Variants in MAL2 observed in about 807,000 individuals in gnomAD.
MAL2 encodes the protein mal, T cell differentiation protein 2.
In MAL2, 17 loss-of-function variants were observed where a neutral mutation model predicts 18.1. The ratio of observed to expected loss-of-function variants is 0.94; its 90% CI spans 0.64 to 1.41. The LOEUF (loss-of-function observed/expected upper bound fraction) is 1.41, where lower values mean the gene tolerates loss of function less well. MAL2 is among the 40% of genes most tolerant of loss of function. The pLI, the probability that MAL2 is intolerant of heterozygous loss-of-function variation, is 0.00. For missense variants in MAL2, 222 were observed against 231.9 expected (o/e 0.96, Z 0.28); for synonymous variants, 102 against 102.3 (o/e 1.00, Z 0.02).
chr8:119,221,119 A>C (rs1280675895), intron 1 of MAL2: 2 of 156,932 alleles, frequency 1.3e-5, no homozygotes, highest in East Asian at 3.7e-4. Flanking sequence ...CATTTTTTTT[A>C]CTAACTCTCT....
intron 2 of MAL2, among the ~76,000 whole-genome samples, chr8:119,226,510 TG>T (rs906629189): frequency 1.8e-5 from 1 of 55,778 alleles, no homozygotes; most frequent in African/African-American, 7.3e-5. Flanking sequence ...GGGCGGGGGG[TG>T]GGGTGGAAGC....
chr8:119,231,132 C>A (rs1726300815), intron 2 of MAL2, among the ~76,000 whole-genome samples: 1 of 152,026 alleles, frequency 6.6e-6, no homozygotes, highest in African/African-American at 2.4e-5. Flanking sequence ...CCCAGGTTCA[C>A]ACCATTCTCC....
At chr8:119,241,055 T>C (rs2129924574) in intron 3 of MAL2, among the ~76,000 whole-genome samples, 1 of 152,330 alleles carries the variant, frequency 6.6e-6, no homozygotes, top group East Asian at 1.9e-4. Flanking sequence ...GGCAAGTTAG[T>C]GACCCTAATG....
chr8:119,237,005 C>G (rs1047462944), intron 2 of MAL2, among the ~76,000 whole-genome samples: 1 of 151,586 alleles, frequency 6.6e-6, no homozygotes, highest in African/African-American at 2.4e-5. Context: ...AATCCAGGAG[C>G]TGGATTTTTG....
intron 2 of MAL2, among the ~76,000 whole-genome samples, chr8:119,231,728 A>G (rs909783331): frequency 6.6e-6 from 1 of 152,266 alleles, no homozygotes; most frequent in Non-Finnish European, 1.5e-5. Context: ...TGCAGTATAT[A>G]TTCACAATAC....
At chr8:119,231,242 C>A (rs866511968) in intron 2 of MAL2, among the ~76,000 whole-genome samples, 1 of 152,116 alleles carries the variant, frequency 6.6e-6, no homozygotes, top group African/African-American at 2.4e-5. Context: ...CTGTGTTAGC[C>A]AGGATGGTCT....
At chr8:119,234,659 C>T (rs919955778) in intron 2 of MAL2, among the ~76,000 whole-genome samples, 44 of 151,946 alleles carry the variant, frequency 2.9e-4, no homozygotes, top group East Asian at 3.9e-4. Context: ...CCCCTGACCC[C>T]GGAACAGCCT....
At chr8:119,223,811 A>C (rs1240372640) in intron 2 of MAL2, 5 of 150,994 alleles carry the variant, frequency 3.3e-5, no homozygotes, top group Admixed American at 1.3e-4. Flanking sequence ...TCTTTTTTTT[A>C]TTATTATTAT....
intron 1 of MAL2, among the ~76,000 whole-genome samples, chr8:119,219,788 TTACAGTGTATCTCACTGATG>T (rs1421106136): frequency 3.3e-5 from 5 of 152,278 alleles, no homozygotes; most frequent in African/African-American, 1.2e-4. Context: ...AGGGATTTAA[TTACAGTGTATCTCACTGATG>T]TAACAAAGCC....
intron 2 of MAL2, among the ~76,000 whole-genome samples, chr8:119,236,297 G>T (rs1357626067): frequency 7.0e-6 from 1 of 142,446 alleles, no homozygotes; most frequent in Non-Finnish European, 1.5e-5. Context: ...CATAAAGCAA[G>T]TCCTGAGTGA....
intron 2 of MAL2, 58 bp from the exon 3 acceptor site, chr8:119,240,107 A>G: frequency 2.6e-6 from 4 of 1,545,682 alleles, no homozygotes; most frequent in Non-Finnish European, 2.7e-6. Context: ...ATTATTTAAA[A>G]TAAGGAACAG....
chr8:119,225,294 C>T (rs971583800), intron 2 of MAL2, among the ~76,000 whole-genome samples: 160 of 152,110 alleles, frequency 1.1e-3, no homozygotes, highest in Non-Finnish European at 1.8e-3. Context: ...CAACAGGCCC[C>T]GGTGTGTGAT....
chr8:119,213,196 C>CA (rs1055256419), intron 1 of MAL2, among the ~76,000 whole-genome samples: 54 of 152,206 alleles, frequency 3.5e-4, no homozygotes, highest in African/African-American at 1.3e-3. Flanking sequence ...AGATGTAACT[C>CA]AGAGGAATTA....
At position 119,244,462 on chromosome 8, in the gene MAL2, C is replaced by T. The variant is rs188166214; in HGVS notation, c.*974C>T. ...GATCCCCAGAGACCATTAACCAATA[C>T]TGGAACTGGTATCTAGCTACTGATG... is the stretch of plus-strand genomic sequence containing the variant. On this transcript the variant is annotated 3_prime_UTR_variant, in exon 4 of 4. Coordinates refer to ENST00000614891, the MANE Select transcript of MAL2 (RefSeq NM_052886.3). The T allele has an allele frequency of 4.6e-5, 7 of 152,264 alleles. No individual in the cohort carries two copies. In the East Asian group the frequency reaches 1.4e-3, roughly 29 times the overall value. 9.4% of individuals were successfully genotyped at this position (152,264 alleles called of 1,614,324 possible).
At chr8:119,211,073 A>G (rs1474520477) in intron 1 of MAL2, among the ~76,000 whole-genome samples, 1 of 152,184 alleles carries the variant, frequency 6.6e-6, no homozygotes, top group Non-Finnish European at 1.5e-5. Flanking sequence ...TCCATTTAGA[A>G]TACTCATCTT....
chr8:119,215,073 G>A (rs1817327310), intron 1 of MAL2: 1 of 152,500 alleles, frequency 6.6e-6, no homozygotes, highest in Non-Finnish European at 1.5e-5. Flanking sequence ...AGTTACAATA[G>A]AAATAGGTCA....
At chr8:119,229,865 G>A (rs545148287) in intron 2 of MAL2, among the ~76,000 whole-genome samples, 13 of 152,248 alleles carry the variant, frequency 8.5e-5, no homozygotes, top group Admixed American at 3.3e-4. Context: ...CCATAGGTAC[G>A]AACTGAGGAA....
intron 3 of MAL2, 119 bp from the exon 4 acceptor site, chr8:119,243,298 T>A (rs1818085471): frequency 3.4e-6 from 2 of 586,834 alleles, no homozygotes; most frequent in South Asian, 7.8e-5. Flanking sequence ...AATATTTTTG[T>A]AAGTGTCGAA....
At chr8:119,229,533 A>T (rs193288431) in intron 2 of MAL2, among the ~76,000 whole-genome samples, 1 of 152,016 alleles carries the variant, frequency 6.6e-6, no homozygotes, top group Non-Finnish European at 1.5e-5. Context: ...GGCTGGTCTC[A>T]AACTCCTGAC....
Sources: allele counts gnomAD v4.1 joint callset (sites outside exome capture counted in the v4.1 genomes callset), GRCh38; gene constraint gnomAD v4.1.1; transcripts MANE v1.5; gene names NCBI Gene and HGNC (gene_info 2026-07-23, HGNC 2026-07-21).